The following ROBO1 variants were observed in gnomAD, a reference collection of about 807,000 sequenced individuals.
ROBO1 encodes roundabout homolog 1.
Under a neutral mutation model 195.9 loss-of-function variants are expected in ROBO1, and 149 were observed. That is an observed-to-expected ratio of 0.76 (90% CI 0.67 to 0.87). The LOEUF is 0.87. Ranked by LOEUF, ROBO1 falls within the 40% of genes least tolerant of loss-of-function variation. The pLI is 0.00. For missense variants in ROBO1, 1,933 were observed against 2,068.3 expected, an observed-to-expected ratio of 0.93 and a Z score of 1.27; for synonymous variants, 816 against 733.2, an observed-to-expected ratio of 1.11 and a Z score of -1.82.
intron 2 of ROBO1, among the ~76,000 whole-genome samples, chr3:79,151,570 T>G (rs1005730487): frequency 1.5e-4 from 23 of 151,790 alleles, no homozygotes. Context: ...CCAGAGTGAT[T>G]TCTATTTTGC....
At chr3:79,407,235 C>G (rs2106825024) in intron 2 of ROBO1, among the ~76,000 whole-genome samples, 1 of 152,216 alleles carries the variant, frequency 6.6e-6, no homozygotes, top group African/African-American at 2.4e-5. Context: ...GCCATCAACA[C>G]ATATCTTAAA....
Position 78,639,768 on chromosome 3 carries a change from T to G in ROBO1, c.3013A>C (p.Asn1005His). ...CTAGNGNSDS[N>H]LTTYSRPADC... is the part of the protein sequence containing the mutation. Reference sequence around the variant, plus strand: ...CCTGGGCGACTGTAGGTAGTGAGGTTGCTGTCGCTGTTTCCATTGCCTGCC... The same window carrying G: ...CCTGGGCGACTGTAGGTAGTGAGGTGGCTGTCGCTGTTTCCATTGCCTGCC... Residue 1005 changes from asparagine to histidine, a missense_variant, in exon 22 of 31, where the codon AAC becomes CAC. By Grantham distance (68) the Asn-to-His change is moderately conservative (BLOSUM62 1). Transcript: ENST00000464233. 6.2e-7 allele frequency: 1 copy of G among 1,613,414 alleles called. No homozygotes were observed. Among genetic ancestry groups the G allele is most frequent in the South Asian group, 1.1e-5 (1 of 91,042 alleles).
intron 3 of ROBO1, among the ~76,000 whole-genome samples, chr3:78,948,759 A>G (rs986243493): frequency 2.6e-5 from 4 of 152,360 alleles, no homozygotes; most frequent in East Asian, 1.9e-4. Flanking sequence ...GTATATCTAG[A>G]AAACCCCATC....
At chr3:79,196,287 T>C (rs1296324194) in intron 2 of ROBO1, among the ~76,000 whole-genome samples, 3 of 150,220 alleles carry the variant, frequency 2.0e-5, no homozygotes, top group Non-Finnish European at 4.5e-5. Context: ...TTTTTTTTTT[T>C]TTTTCAGTTG....
intron 3 of ROBO1, among the ~76,000 whole-genome samples, chr3:78,989,030 T>C (rs1402256660): frequency 6.6e-6 from 1 of 151,552 alleles, no homozygotes. Context: ...AAGGGAGAGA[T>C]TTGTTAAAGG....
intron 2 of ROBO1, among the ~76,000 whole-genome samples, chr3:79,431,300 AT>A: frequency 6.6e-6 from 1 of 152,238 alleles, no homozygotes; most frequent in East Asian, 1.9e-4. Context: ...TTATAATCCC[AT>A]TATAATCCCA....
intron 3 of ROBO1, among the ~76,000 whole-genome samples, chr3:79,007,497 A>G (rs1350213305): frequency 1.3e-5 from 2 of 152,154 alleles, no homozygotes; most frequent in African/African-American, 4.8e-5. Flanking sequence ...ATCAAAGTCT[A>G]TTTATCTGTA....
At chr3:79,232,149 C>T (rs887726637) in intron 2 of ROBO1, among the ~76,000 whole-genome samples, 2 of 151,638 alleles carry the variant, frequency 1.3e-5, no homozygotes, top group Non-Finnish European at 2.9e-5. Flanking sequence ...ATCAAATCCC[C>T]TTGACACAAG....
At chr3:79,508,430 A>T (rs1330248427) in intron 2 of ROBO1, among the ~76,000 whole-genome samples, 2 of 152,098 alleles carry the variant, frequency 1.3e-5, no homozygotes, top group Admixed American at 6.5e-5. Context: ...AAGAAAACAA[A>T]TTTCTTTGGC....
chr3:78,933,561 CATT>C (rs1170874382), intron 4 of ROBO1, among the ~76,000 whole-genome samples: 2 of 151,958 alleles, frequency 1.3e-5, no homozygotes, highest in African/African-American at 2.4e-5. Context: ...TTACTGACAT[CATT>C]GAGATGTCAT....
chr3:79,676,186 GA>G (rs1946779200), intron 1 of ROBO1, among the ~76,000 whole-genome samples: 1 of 151,970 alleles, frequency 6.6e-6, no homozygotes, highest in Non-Finnish European at 1.5e-5. Flanking sequence ...GTGACTTTGA[GA>G]AAATAACTCC....
intron 3 of ROBO1, among the ~76,000 whole-genome samples, chr3:78,961,796 T>C (rs896520276): frequency 2.6e-5 from 4 of 152,194 alleles, no homozygotes; most frequent in African/African-American, 4.8e-5. Flanking sequence ...CCCATAATTT[T>C]TTTTTAAGTC....
In ROBO1 at chr3:78,685,732, GT is replaced by G; in HGVS notation, c.1342+13del. ...AAACTTGGACATTTTGAAATAAAAT[GT>G]TTTACACTTTACCATCTGTAACTTC... On this transcript the variant is annotated intron_variant, in intron 10 of 30. Coordinates refer to ENST00000464233, the MANE Select transcript of ROBO1 (RefSeq NM_002941.4). The G allele has an allele frequency of 6.3e-7, 1 of 1,576,180 alleles. No individual in the cohort carries two copies. Among genetic ancestry groups the G allele is most frequent in the Non-Finnish European group, 8.7e-7 (1 of 1,153,590 alleles).
At chr3:78,706,785 T>C (rs2081562656) in intron 8 of ROBO1, among the ~76,000 whole-genome samples, 1 of 151,934 alleles carries the variant, frequency 6.6e-6, no homozygotes, top group African/African-American at 2.4e-5. Context: ...AGGGAGGTGG[T>C]GAGAGAGTTG....
chr3:78,766,771 T>A (rs1303541455), intron 4 of ROBO1, among the ~76,000 whole-genome samples: 1 of 152,224 alleles, frequency 6.6e-6, no homozygotes, highest in Non-Finnish European at 1.5e-5. Context: ...AGATGGCTTT[T>A]ATTACATTAA....
At chr3:79,534,546 G>T (rs149131853) in intron 2 of ROBO1, among the ~76,000 whole-genome samples, 210 of 152,172 alleles carry the variant, frequency 1.4e-3, no homozygotes, top group African/African-American at 4.8e-3. Flanking sequence ...TCTCTGTAAC[G>T]CTGTTTTAAA....
intron 8 of ROBO1, among the ~76,000 whole-genome samples, chr3:78,712,641 T>C (rs1281072071): frequency 6.6e-6 from 1 of 152,170 alleles, no homozygotes; most frequent in Non-Finnish European, 1.5e-5. Context: ...TAAACATTTA[T>C]AGAAAACACA....
intron 2 of ROBO1, among the ~76,000 whole-genome samples, chr3:79,181,816 C>A (rs1439002554): frequency 6.6e-6 from 1 of 151,028 alleles, no homozygotes; most frequent in Non-Finnish European, 1.5e-5. Context: ...GTCCCAGCTA[C>A]TTGGGAGGCT....
At chr3:79,165,432 T>C (rs1352123062) in intron 2 of ROBO1, among the ~76,000 whole-genome samples, 1 of 152,222 alleles carries the variant, frequency 6.6e-6, no homozygotes, top group Non-Finnish European at 1.5e-5. Context: ...ATGTGCTGAG[T>C]GAACTCAGTA....
Sources: gnomAD v4.1 joint callset for allele counts (sites outside exome capture counted in the v4.1 genomes callset) on GRCh38, gnomAD v4.1.1 for gene constraint, MANE v1.5 for transcripts, NCBI Gene and HGNC (gene_info 2026-07-23, HGNC 2026-07-21) for gene names.